Variants in GALNT13 observed in about 807,000 individuals in gnomAD.
GALNT13 encodes the protein polypeptide N-acetylgalactosaminyltransferase 13, also known as UDP-GalNAc:polypeptide N-acetylgalactosaminyltransferase 13.
In GALNT13, 28 loss-of-function variants were observed where a neutral mutation model predicts 64.2. The observed-to-expected ratio is 0.44, with a 90% CI of 0.32 to 0.60. GALNT13 has a LOEUF of 0.60. Among genes scored for constraint, GALNT13 ranks in the 20% least tolerant of loss-of-function variants. GALNT13 has a pLI of 0.05. For synonymous variants in GALNT13, 214 were observed against 224.6 expected, an observed-to-expected ratio of 0.95 and a Z score of 0.42; for missense variants, 577 against 669.8, an observed-to-expected ratio of 0.86 and a Z score of 1.53.
chr2:153,304,649 TGGAGAG>T, the GALNT13 span, among the ~76,000 whole-genome samples: 196 of 152,226 alleles, frequency 1.3e-3, 5 homozygotes, highest in East Asian at 0.036. Flanking sequence ...GGCAAAATCT[TGGAGAG>T]GGAGGTGTTA....
chr2:153,857,585 G>A, the GALNT13 span, among the ~76,000 whole-genome samples: 2 of 152,096 alleles, frequency 1.3e-5, no homozygotes, highest in Admixed American at 6.6e-5. Flanking sequence ...ATGATCTTTT[G>A]TTTTTACAGA....
Position 154,140,454 on chromosome 2 carries a change from C to T in GALNT13, c.260C>T (p.Ala87Val). The T allele has an allele frequency of 6.2e-7, 1 of 1,612,098 alleles. No homozygotes were observed. Among genetic ancestry groups the T allele is most frequent in the Middle Eastern group, 1.7e-4 (1 of 6,056 alleles). ...LFKINQFNLM[A>V]SDLIALNRSL... ...AAAATCAATCAGTTTAACCTTATGG[C>T]CAGTGATTTGATTGCCCTTAATAGA... is the stretch of plus-strand genomic sequence containing the variant. The change falls in exon 4 of 13, where the codon GCC becomes GTC. Residue 87 changes from alanine to valine, a missense_variant. Physicochemically the swap from Ala to Val is moderately conservative, Grantham distance 64 (BLOSUM62 0). Transcript: ENST00000392825.
the GALNT13 span, among the ~76,000 whole-genome samples, chr2:153,405,657 C>G: frequency 1.3e-5 from 2 of 152,112 alleles, no homozygotes; most frequent in Non-Finnish European, 2.9e-5. Context: ...GTCTTAGGAA[C>G]AGTAACAAAT....
the GALNT13 span, among the ~76,000 whole-genome samples, chr2:153,479,591 T>G: frequency 6.6e-6 from 1 of 152,164 alleles, no homozygotes; most frequent in African/African-American, 2.4e-5. Context: ...TGCTTGTAAT[T>G]TTAATTGCAG....
At chr2:153,218,924 A>C in the GALNT13 span, among the ~76,000 whole-genome samples, 7 of 152,306 alleles carry the variant, frequency 4.6e-5, no homozygotes, top group East Asian at 7.7e-4. Context: ...AAAAAGTATA[A>C]AATTTGAAGT....
intron 3 of GALNT13, among the ~76,000 whole-genome samples, chr2:154,104,394 A>G (rs1253045495): frequency 2.6e-5 from 4 of 152,138 alleles, no homozygotes; most frequent in African/African-American, 4.8e-5. Flanking sequence ...CAGGCAGCGG[A>G]CACACTTTTA....
the GALNT13 span, among the ~76,000 whole-genome samples, chr2:153,664,419 C>T: frequency 7.9e-5 from 12 of 152,188 alleles, no homozygotes; most frequent in Non-Finnish European, 1.5e-4. Context: ...CCCTGAAAAT[C>T]GCTGTTATCC....
At chr2:153,135,930 C>T in the GALNT13 span, among the ~76,000 whole-genome samples, 7 of 151,996 alleles carry the variant, frequency 4.6e-5, no homozygotes, top group Middle Eastern at 3.4e-3. Context: ...ACATGAAGTA[C>T]GAAACTCCAG....
At chr2:153,864,427 T>A in the GALNT13 span, among the ~76,000 whole-genome samples, 4 of 152,296 alleles carry the variant, frequency 2.6e-5, 1 homozygote, top group Middle Eastern at 3.4e-3. Context: ...TTGAAGCAAT[T>A]GTGAATGGGA....
chr2:153,742,531 T>G, the GALNT13 span, among the ~76,000 whole-genome samples: 1 of 152,028 alleles, frequency 6.6e-6, no homozygotes, highest in South Asian at 2.1e-4. Flanking sequence ...CCACCCCCAA[T>G]AGTAAACATT....
chr2:154,365,280 C>T (rs1200601775), intron 9 of GALNT13, among the ~76,000 whole-genome samples: 2 of 152,158 alleles, frequency 1.3e-5, no homozygotes, highest in African/African-American at 4.8e-5. Context: ...AGGTCACAAT[C>T]AATTGTTGGA....
chr2:154,124,011 C>T (rs866456394), intron 3 of GALNT13, among the ~76,000 whole-genome samples: 7 of 151,882 alleles, frequency 4.6e-5, no homozygotes, highest in African/African-American at 1.2e-4. Context: ...TATTTTATTG[C>T]ATTTGAATAA....
the GALNT13 span, among the ~76,000 whole-genome samples, chr2:153,750,819 C>T: frequency 4.2e-4 from 63 of 150,802 alleles, no homozygotes; most frequent in African/African-American, 7.5e-4. Context: ...CATTTATTTC[C>T]GCTCTGATCT....
the GALNT13 span, among the ~76,000 whole-genome samples, chr2:153,091,588 T>A: frequency 6.6e-6 from 1 of 152,180 alleles, no homozygotes; most frequent in Non-Finnish European, 1.5e-5. Context: ...ACAGTGTGAG[T>A]CTCCACATGC....
the GALNT13 span, among the ~76,000 whole-genome samples, chr2:153,739,266 G>T: frequency 5.3e-5 from 8 of 151,640 alleles, no homozygotes; most frequent in African/African-American, 1.9e-4. Context: ...CCATCACAAA[G>T]AGTTCCCTAA....
At chr2:153,643,983 C>T in the GALNT13 span, among the ~76,000 whole-genome samples, 4 of 151,860 alleles carry the variant, frequency 2.6e-5, no homozygotes, top group African/African-American at 9.7e-5. Context: ...TTAACATTCT[C>T]TTTAATATCA....
chr2:153,294,240 A>G, the GALNT13 span, among the ~76,000 whole-genome samples: 337 of 152,174 alleles, frequency 2.2e-3, 3 homozygotes, highest in Middle Eastern at 3.4e-3. Flanking sequence ...AGTGTGGGGG[A>G]TGTGAGGAAC....
chr2:154,206,802 A>C lies in GALNT13; in HGVS notation c.312-35228A>C, dbSNP rs114176209. On this transcript the variant is annotated intron_variant, in intron 4 of 12. Coordinates refer to ENST00000392825, the MANE Select transcript of GALNT13 (RefSeq NM_052917.4). ...CTGTCTCAAAAAACAACAACAACAA[A>C]AAAAAAAAACAGGAAGGGGATTTGA... Among the ~76,000 whole-genome samples, 1,393 of 151,706 alleles carry C rather than the reference A, an allele frequency of 9.2e-3. 12 individuals carry two copies. Among genetic ancestry groups the C allele is most frequent in the African/African-American group, 0.022 (911 of 41,366 alleles).
the GALNT13 span, among the ~76,000 whole-genome samples, chr2:153,338,553 G>C: frequency 6.6e-6 from 1 of 152,066 alleles, no homozygotes; most frequent in Non-Finnish European, 1.5e-5. Context: ...GATATAAACA[G>C]ACATTGTGGA....
Sources: allele counts gnomAD v4.1 joint callset (sites outside exome capture counted in the v4.1 genomes callset), GRCh38; gene constraint gnomAD v4.1.1; transcripts MANE v1.5; gene names NCBI Gene and HGNC (gene_info 2026-07-23, HGNC 2026-07-21).